Variants in VTCN1 observed in about 807,000 individuals in gnomAD.
VTCN1 encodes the protein V-set domain-containing T-cell activation inhibitor 1.
A neutral mutation model predicts 26.5 loss-of-function variants in VTCN1; 26 were observed. That is an observed-to-expected ratio of 0.98 (90% CI 0.72 to 1.36). VTCN1 has a LOEUF of 1.36. Among genes scored for constraint, VTCN1 ranks in the 40% most tolerant of loss-of-function variants. The probability of loss-of-function intolerance (pLI) is 0.00; values close to 1 mark genes in which losing one functional copy is unlikely to be tolerated. For missense variants in VTCN1, 298 were observed against 337.7 expected, an observed-to-expected ratio of 0.88 and a Z score of 0.92; for synonymous variants, 116 against 130.7, an observed-to-expected ratio of 0.89 and a Z score of 0.77.
chr1:117,208,224 G>C (rs938456730), intron 1 of VTCN1, among the ~76,000 whole-genome samples: 1 of 152,200 alleles, frequency 6.6e-6, no homozygotes, highest in African/African-American at 2.4e-5. Flanking sequence ...GTAGTGTGTA[G>C]CTTTCCAACA....
intron 2 of VTCN1, among the ~76,000 whole-genome samples, chr1:117,168,853 C>T (rs1465211832): frequency 2.0e-5 from 3 of 152,232 alleles, no homozygotes; most frequent in East Asian, 3.9e-4. Flanking sequence ...CCTCAGCCTC[C>T]CATAGTGCTG....
At chr1:117,165,257 C>G (rs1652552143) in intron 2 of VTCN1, among the ~76,000 whole-genome samples, 1 of 152,230 alleles carries the variant, frequency 6.6e-6, no homozygotes, top group African/African-American at 2.4e-5. Flanking sequence ...GTAATAACAT[C>G]TACCTCCTAT....
intron 1 of VTCN1, among the ~76,000 whole-genome samples, chr1:117,203,031 T>C (rs1028262875): frequency 2.0e-5 from 3 of 152,058 alleles, no homozygotes; most frequent in Admixed American, 1.3e-4. Context: ...AGGAGGTGTT[T>C]GCGAGCTGGG....
chr1:117,176,854 T>C (rs937135007), intron 1 of VTCN1, among the ~76,000 whole-genome samples: 1 of 147,938 alleles, frequency 6.8e-6, no homozygotes, highest in African/African-American at 2.7e-5. Flanking sequence ...ATCCCAGCAC[T>C]TTGGGAGGCC....
rs939781610 is a variant in VTCN1, at chr1:117,159,773, T to C, written c.98-2852A>G. On this transcript the variant is annotated intron_variant, in intron 2 of 5. Coordinates refer to ENST00000369458, the MANE Select transcript of VTCN1 (RefSeq NM_024626.4). The surrounding 1 kb of genome is among the most constrained non-coding windows in gnomAD (Gnocchi z 4.7). ...ATTTCTGTTTGAATGACATAGAAAC[T>C]AAGGCAGTGAGAAAATAACTGATTT... 1.3e-5 allele frequency among the ~76,000 whole-genome samples: 2 copies of C among 152,188 alleles called. No homozygotes were observed. Among genetic ancestry groups the C allele is most frequent in the African/African-American group, 4.8e-5 (2 of 41,440 alleles).
intron 1 of VTCN1, among the ~76,000 whole-genome samples, chr1:117,196,905 C>T (rs1030566297): frequency 6.6e-6 from 1 of 152,154 alleles, no homozygotes; most frequent in Non-Finnish European, 1.5e-5. Flanking sequence ...GCACCTGGAG[C>T]CCCTAGAATT....
At chr1:117,150,547 C>T (rs1651732964) in intron 4 of VTCN1, among the ~76,000 whole-genome samples, 1 of 152,080 alleles carries the variant, frequency 6.6e-6, no homozygotes, top group African/African-American at 2.4e-5. Flanking sequence ...GGATAGTTGC[C>T]AATTTGTTCC....
At chr1:117,200,629 G>C (rs1648743315) in intron 1 of VTCN1, among the ~76,000 whole-genome samples, 1 of 152,168 alleles carries the variant, frequency 6.6e-6, no homozygotes, top group Admixed American at 6.5e-5. Flanking sequence ...CCACCACCCA[G>C]TGGCTCTTTT....
chr1:117,209,636 A>G (rs1029899455), intron 1 of VTCN1, among the ~76,000 whole-genome samples: 3 of 152,194 alleles, frequency 2.0e-5, no homozygotes, highest in Non-Finnish European at 4.4e-5. Context: ...CTCTCAGGGC[A>G]GAAGGGTCTA....
intron 1 of VTCN1, among the ~76,000 whole-genome samples, chr1:117,202,893 G>A (rs1648856236): frequency 6.6e-6 from 1 of 152,182 alleles, no homozygotes; most frequent in Admixed American, 6.5e-5. Context: ...AAGAGAGATG[G>A]GGTGGGTAGC....
chr1:117,152,836 C>T (rs1028078104), intron 4 of VTCN1, among the ~76,000 whole-genome samples: 12 of 152,118 alleles, frequency 7.9e-5, no homozygotes, highest in African/African-American at 2.2e-4. Context: ...CACTGTTCTC[C>T]AGACAACCAG....
chr1:117,171,645 G>A (rs1456550612), intron 1 of VTCN1, among the ~76,000 whole-genome samples: 1 of 152,196 alleles, frequency 6.6e-6, no homozygotes, highest in Non-Finnish European at 1.5e-5. Flanking sequence ...CATGTACTAA[G>A]TGCTAGAATT....
Position 117,183,991 on chromosome 1 carries a change from A to G in VTCN1, c.33-13820T>C, listed in dbSNP as rs1206826063. 2.0e-5 allele frequency among the ~76,000 whole-genome samples: 3 copies of G among 152,138 alleles called. No individual in the cohort carries two copies. Among genetic ancestry groups the G allele is most frequent in the African/African-American group, 7.2e-5 (3 of 41,424 alleles). Reference sequence around the variant, plus strand: ...GAGCCATACCAAACACCAGAGACAAAGCTAAGGGGCCATTCAAGCTGGGGA... The same window carrying G: ...GAGCCATACCAAACACCAGAGACAAGGCTAAGGGGCCATTCAAGCTGGGGA... On this transcript the variant is annotated intron_variant, in intron 1 of 5. Transcript: ENST00000369458. This position sits in a 1 kb window ranked among gnomAD's most constrained non-coding sequence, Gnocchi z 4.1.
chr1:117,173,889 C>G (rs1570962371), intron 1 of VTCN1, among the ~76,000 whole-genome samples: 1 of 152,194 alleles, frequency 6.6e-6, no homozygotes, highest in South Asian at 2.1e-4. Flanking sequence ...ACACCAGGCC[C>G]ACGTTTCCCT....
rs1358145746 is a variant in VTCN1, at chr1:117,144,818, G to C, written c.*453C>G. On this transcript the variant is annotated 3_prime_UTR_variant, in exon 6 of 6. Transcript: ENST00000369458. ...GGTACATACTACAGCTTAATTTGTG[G>C]AATATAAGATGTGGATATGTTGGGA... 1 of 152,554 alleles carries C rather than the reference G, an allele frequency of 6.6e-6. No individual in the cohort carries two copies. Among genetic ancestry groups the C allele is most frequent in the African/African-American group, 2.4e-5 (1 of 41,412 alleles). 9.5% of individuals were successfully genotyped at this position (152,554 alleles called of 1,614,324 possible). A position where few individuals can be genotyped will look rare whatever the true frequency, so the allele number is the denominator to read the frequency against.
chr1:117,143,946 G>T lies in VTCN1; in HGVS notation c.*1325C>A, dbSNP rs538535172. 6 of 152,282 alleles carry T rather than the reference G, an allele frequency of 3.9e-5. No individual in the cohort carries two copies. In the South Asian group the frequency reaches 1.2e-3, roughly 32 times the overall value. The allele number at this position is 152,282 out of a possible 1,614,324, so 9.4% of individuals were successfully genotyped here. ...GCATTTCTCTTACAGAACTTGGCTTGCAGGGTAGAATGAAGGGAAAGAAAC... is the reference window on the plus strand; with the variant it reads ...GCATTTCTCTTACAGAACTTGGCTTTCAGGGTAGAATGAAGGGAAAGAAAC... On this transcript the variant is annotated 3_prime_UTR_variant, in exon 6 of 6. Coordinates refer to ENST00000369458, the MANE Select transcript of VTCN1 (RefSeq NM_024626.4).
Position 117,186,583 on chromosome 1 carries a change from G to T in VTCN1, c.33-16412C>A, listed in dbSNP as rs183405459. ...GTGAAATGAACTAGTTATTGTGAAGGAAAAGAAATAATTGGATAAGAGATA... is the reference window on the plus strand; with the variant it reads ...GTGAAATGAACTAGTTATTGTGAAGTAAAAGAAATAATTGGATAAGAGATA... On this transcript the variant is annotated intron_variant, in intron 1 of 5. Coordinates refer to ENST00000369458, the MANE Select transcript of VTCN1 (RefSeq NM_024626.4). Among the ~76,000 whole-genome samples, 454 of 152,348 alleles carry T rather than the reference G, an allele frequency of 3.0e-3. 1 individual carries two copies. The highest frequency in any genetic ancestry group is 4.3e-3 in the Non-Finnish European group (295 of 68,038).
At chr1:117,210,794 C>A (rs778301606) in intron 1 of VTCN1, 30 bp downstream of exon 1, 1 of 1,613,066 alleles carries the variant, frequency 6.2e-7, no homozygotes, top group East Asian at 2.2e-5. Context: ...TCCCTTCACC[C>A]ATAAGGATAG....
At chr1:117,198,860 CA>C (rs889174984) in intron 1 of VTCN1, among the ~76,000 whole-genome samples, 1 of 152,020 alleles carries the variant, frequency 6.6e-6, no homozygotes, top group African/African-American at 2.4e-5. Flanking sequence ...AGGTCAGTTA[CA>C]AAAAAAGCCA....
Sources: gnomAD v4.1 joint callset for allele counts (sites outside exome capture counted in the v4.1 genomes callset) on GRCh38, gnomAD v4.1.1 for gene constraint, Gnocchi (gnomAD v3.1) non-coding constraint, MANE v1.5 for transcripts, NCBI Gene and HGNC (gene_info 2026-07-23, HGNC 2026-07-21) for gene names.